The following PTBP1 variants were observed in gnomAD, a reference collection of about 807,000 sequenced individuals.
The protein encoded by PTBP1 is polypyrimidine tract binding protein 1.
PTBP1 carries 8 observed loss-of-function variants against 59.8 expected under a neutral mutation model. The ratio of observed to expected loss-of-function variants is 0.13; its 90% CI spans 0.08 to 0.24. The LOEUF is 0.24. PTBP1 is among the 10% of genes least tolerant of loss of function. The pLI, the probability that PTBP1 is intolerant of heterozygous loss-of-function variation, is 1.00. For missense variants in PTBP1, 686 were observed against 767.0 expected (o/e 0.89, Z 1.25); for synonymous variants, 490 against 320.7 (o/e 1.53, Z -5.64).
At position 804,091 on chromosome 19, in the gene PTBP1, C is replaced by T. The variant is rs111648118; in HGVS notation, c.171C>T (p.Pro57=). The T allele has an allele frequency of 6.4e-5, 103 of 1,613,956 alleles. No individual in the cohort carries two copies. Among genetic ancestry groups the T allele is most frequent in the Middle Eastern group, 3.3e-4 (2 of 6,082 alleles). Residue 57 remains proline (P), a synonymous_variant, in exon 4 of 15, where the codon CCC becomes CCT. Coordinates refer to ENST00000356948, the MANE Select transcript of PTBP1 (RefSeq NM_002819.5). Reference sequence around the variant, plus strand: ...GTGACAGCCGAAGTGCAGGCGTCCCCTCTAGAGTGATCCACATCCGGAAGC... The same window carrying T: ...GTGACAGCCGAAGTGCAGGCGTCCCTTCTAGAGTGATCCACATCCGGAAGC... ...FKGDSRSAGV[P]SRVIHIRKLP... is the part of the protein sequence containing the mutation.
intron 8 of PTBP1, 145 bp downstream of exon 8, chr19:805,332 T>G: frequency 8.3e-7 from 1 of 1,206,540 alleles, no homozygotes; most frequent in Non-Finnish European, 1.2e-6. Context: ...CGGTCCAGTG[T>G]CCCCCACGTC....
In PTBP1 at chr19:808,476, G is replaced by C; in HGVS notation, c.1246+24G>C. On this transcript the variant is annotated intron_variant, in intron 12 of 14. Transcript: ENST00000356948. This position sits in a 1 kb window ranked among gnomAD's most constrained non-coding sequence, Gnocchi z 4.7. ...GGGTAAGAGGCCGGGGCGGCCCCGG[G>C]GTGGAGGGGGCAGGGGCGGGGGCTG... The C allele has an allele frequency of 6.4e-7, 1 of 1,573,608 alleles. No homozygotes were observed. The highest frequency in any genetic ancestry group is 8.6e-7 in the Non-Finnish European group (1 of 1,160,884).
chr19:806,258 G>A (rs985392132), intron 9 of PTBP1, 150 bp from the exon 10 acceptor site: 14 of 880,046 alleles, frequency 1.6e-5, no homozygotes, highest in Non-Finnish European at 1.9e-5. Context: ...GGGGTCGGAC[G>A]ACCCCACAGG....
intron 10 of PTBP1, 166 bp from the exon 11 acceptor site, chr19:807,703 G>A: frequency 3.3e-6 from 2 of 599,324 alleles, no homozygotes; most frequent in Non-Finnish European, 6.0e-6. Flanking sequence ...CCTGCTCTCC[G>A]GAAACCAACC....
Position 799,286 on chromosome 19 carries a change from C to T in PTBP1, c.9-127C>T. ...CTTTCTCTAGCGGGGCCTCGTGCAG[C>T]CAGAGGGAGCCCTGCGGAGGTGGCA... On this transcript the variant is annotated intron_variant, in intron 1 of 14. Transcript: ENST00000356948. 3.5e-6 allele frequency: 3 copies of T among 865,586 alleles called. No homozygotes were observed. In the South Asian group the frequency reaches 3.9e-5, roughly 11 times the overall value. 53.6% of individuals were successfully genotyped at this position (865,586 alleles called of 1,614,324 possible). A position where few individuals can be genotyped will look rare whatever the true frequency, so the allele number is the denominator to read the frequency against.
chr19:799,232 T>TG lies in PTBP1; in HGVS notation c.9-179dup. 9.7e-6 allele frequency: 7 copies of TG among 718,870 alleles called. No homozygotes were observed. The South Asian group carries it at 1.0e-4, about 11-fold the overall frequency. 44.5% of individuals were successfully genotyped at this position (718,870 alleles called of 1,614,324 possible). A position where few individuals can be genotyped will look rare whatever the true frequency, so the allele number is the denominator to read the frequency against. On this transcript the variant is annotated intron_variant, in intron 1 of 14. Transcript: ENST00000356948. ...GGCCCCTTTTCAAGTTGCAGTCAAGTGGACGGCTCACTTCCCTGCCCTTCT... is the reference window on the plus strand; with the variant it reads ...GGCCCCTTTTCAAGTTGCAGTCAAGTGGGACGGCTCACTTCCCTGCCCTTCT...
At chr19:802,654 C>T (rs907656395) in intron 2 of PTBP1, among the ~76,000 whole-genome samples, 1 of 152,194 alleles carries the variant, frequency 6.6e-6, no homozygotes, top group Non-Finnish European at 1.5e-5. Context: ...GCAGACCAAG[C>T]GCCTGTGCTC....
chr19:808,902 A>G lies in PTBP1; in HGVS notation c.1463+140A>G, dbSNP rs562438542. The G allele has an allele frequency of 8.2e-5, 65 of 790,718 alleles. No homozygotes were observed. In the Middle Eastern group the frequency reaches 8.4e-4, roughly 10 times the overall value. The allele number at this position is 790,718 out of a possible 1,614,324, so 49.0% of individuals were successfully genotyped here. A position where few individuals can be genotyped will look rare whatever the true frequency, so the allele number is the denominator to read the frequency against. On this transcript the variant is annotated intron_variant, in intron 13 of 14. Coordinates refer to ENST00000356948, the MANE Select transcript of PTBP1 (RefSeq NM_002819.5). The surrounding 1 kb of genome is among the most constrained non-coding windows in gnomAD (Gnocchi z 4.7). ...TCTTACCCCAAACCTGAAGTACTGC[A>G]AGGCCTGGAGCTTGAGCCGAGGGCT...
chr19:799,920 T>C (rs1264137004), intron 2 of PTBP1, among the ~76,000 whole-genome samples: 1 of 151,332 alleles, frequency 6.6e-6, no homozygotes. Flanking sequence ...TAAGTTTTTT[T>C]GTTTTTGTTT....
chr19:797,891 C>G (rs906695562), intron 1 of PTBP1, among the ~76,000 whole-genome samples: 4 of 148,882 alleles, frequency 2.7e-5, no homozygotes, highest in African/African-American at 9.7e-5. Flanking sequence ...GTCCGCTCCC[C>G]TCGTGCGCCT....
rs116145006 is a variant in PTBP1 at position 799,611 on chromosome 19, C to T, written c.39+168C>T. On this transcript the variant is annotated intron_variant, in intron 2 of 14. Coordinates refer to ENST00000356948, the MANE Select transcript of PTBP1 (RefSeq NM_002819.5). ...TGGGCGGTAGGGTTTGAACCCCGGG[C>T]TCCAGTGCCCGTGAGTTTTGGGGGC... Among the ~76,000 whole-genome samples, 215 of 152,374 alleles carry T rather than the reference C, an allele frequency of 1.4e-3. 2 individuals are homozygous for T. The highest frequency in any genetic ancestry group is 4.9e-3 in the African/African-American group (204 of 41,592).
rs529850075 is a variant in PTBP1 at position 808,593 on chromosome 19, A to G, written c.1294A>G (p.Ile432Val). Residue 432 changes from isoleucine to valine, a missense_variant, in exon 13 of 15, where the codon ATC becomes GTC. Coordinates refer to ENST00000356948, the MANE Select transcript of PTBP1 (RefSeq NM_002819.5). This position sits in a 1 kb window ranked among gnomAD's most constrained non-coding sequence, Gnocchi z 4.7. ...CAAGCTGCACGGGAAGCCCATCCGCATCACGCTCTCGAAGCACCAGAACGT... is the reference window on the plus strand; with the variant it reads ...CAAGCTGCACGGGAAGCCCATCCGCGTCACGCTCTCGAAGCACCAGAACGT... The part of the protein sequence containing the change: ...GHKLHGKPIR[I>V]TLSKHQNVQL... The G allele has an allele frequency of 1.9e-6, 3 of 1,607,584 alleles. No homozygotes were observed. Among genetic ancestry groups the G allele is most frequent in the Admixed American group, 1.7e-5 (1 of 59,616 alleles).
At chr19:802,757 T>C (rs2034391411) in intron 2 of PTBP1, among the ~76,000 whole-genome samples, 1 of 152,220 alleles carries the variant, frequency 6.6e-6, no homozygotes, top group African/African-American at 2.4e-5. Context: ...ACGTGTGTCT[T>C]CAATCCTTGC....
chr19:798,746 C>T (rs1463960349), intron 1 of PTBP1, among the ~76,000 whole-genome samples: 2 of 152,240 alleles, frequency 1.3e-5, no homozygotes, highest in Non-Finnish European at 2.9e-5. Context: ...TGGGTCAGGA[C>T]CTGGCCGGGG....
chr19:804,228 C>G lies in PTBP1; in HGVS notation c.288+20C>G, dbSNP rs2034458950. 1 of 1,607,498 alleles carries G rather than the reference C, an allele frequency of 6.2e-7. No individual in the cohort carries two copies. The highest frequency in any genetic ancestry group is 8.5e-7 in the Non-Finnish European group (1 of 1,175,646). On this transcript the variant is annotated intron_variant, in intron 4 of 14. Transcript: ENST00000356948. Reference sequence around the variant, plus strand: ...AACCAGGTACCTGAGCCGCGTTTCTCCGGGGTGCTCACACCGTGCAGGCGG... The same window carrying G: ...AACCAGGTACCTGAGCCGCGTTTCTGCGGGGTGCTCACACCGTGCAGGCGG...
At chr19:799,924 T>C (rs1236253378) in intron 2 of PTBP1, among the ~76,000 whole-genome samples, 1 of 151,992 alleles carries the variant, frequency 6.6e-6, no homozygotes, top group Admixed American at 6.6e-5. Flanking sequence ...TTTTTTTGTT[T>C]TTGTTTTTGT....
At chr19:798,120 G>A (rs1359251685) in intron 1 of PTBP1, among the ~76,000 whole-genome samples, 4 of 151,992 alleles carry the variant, frequency 2.6e-5, no homozygotes, top group Non-Finnish European at 5.9e-5. Flanking sequence ...TGCGCCCCGG[G>A]CCGCGGCCAA....
intron 3 of PTBP1, 50 bp from the exon 4 acceptor site, chr19:803,986 T>C (rs1209360318): frequency 6.2e-7 from 1 of 1,606,578 alleles, no homozygotes; most frequent in South Asian, 1.1e-5. Context: ...GACCTTCCTC[T>C]GTGGGCTCCT....
intron 10 of PTBP1, chr19:807,110 G>C (rs577126031): frequency 6.8e-6 from 1 of 147,440 alleles, no homozygotes; most frequent in East Asian, 1.9e-4. Flanking sequence ...TCCTCAAGGC[G>C]GTGCCCAGCC....
Sources: gnomAD v4.1 joint callset for allele counts (sites outside exome capture counted in the v4.1 genomes callset) on GRCh38, gnomAD v4.1.1 for gene constraint, Gnocchi (gnomAD v3.1) non-coding constraint, MANE v1.5 for transcripts, NCBI Gene and HGNC (gene_info 2026-07-23, HGNC 2026-07-21) for gene names.